MYO3B: variants seen among roughly 807,000 people sequenced by gnomAD.
The protein encoded by MYO3B is myosin-IIIb.
MYO3B carries 156 observed loss-of-function variants against 174.6 expected under a neutral mutation model. The observed-to-expected ratio is 0.89, with a 90% confidence interval of 0.78 to 1.02. The LOEUF (loss-of-function observed/expected upper bound fraction) is 1.02, where lower values mean the gene tolerates loss of function less well. MYO3B is among the 50% of genes least tolerant of loss of function. The pLI, the probability that MYO3B is intolerant of heterozygous loss-of-function variation, is 0.00. For synonymous variants in MYO3B, 563 were observed against 569.1 expected (o/e 0.99, Z 0.15); for missense variants, 1,632 against 1,639.4 (o/e 1.00, Z 0.08).
intron 23 of MYO3B, among the ~76,000 whole-genome samples, chr2:170,457,694 C>T (rs373040933): frequency 2.0e-4 from 30 of 152,276 alleles, no homozygotes; most frequent in African/African-American, 5.8e-4. Context: ...TGAGGCTGTT[C>T]CACGGTTAAT....
At position 170,233,433 on chromosome 2, in the gene MYO3B, C is replaced by T. The variant is rs1255663696; in HGVS notation, c.604-2558C>T. ...TAAAATTATGTTTGTCTTACACTTT[C>T]GAAAGTGTCATTTCTGAAAGGGAAG... On this transcript the variant is annotated intron_variant, in intron 6 of 34. Transcript: ENST00000408978. Among the ~76,000 whole-genome samples, 10 of 152,222 alleles carry T rather than the reference C, an allele frequency of 6.6e-5. No homozygotes were observed. In the South Asian group the frequency reaches 1.2e-3, roughly 19 times the overall value.
chr2:170,466,092 A>C (rs1684612588), intron 24 of MYO3B, among the ~76,000 whole-genome samples: 1 of 152,086 alleles, frequency 6.6e-6, no homozygotes, highest in Non-Finnish European at 1.5e-5. Context: ...TATCTGTAGG[A>C]TTTGCTTAGA....
Position 170,386,221 on chromosome 2 carries a change from G to C in MYO3B, c.1323G>C (p.Gly441=). 1 of 1,613,654 alleles carries C rather than the reference G, an allele frequency of 6.2e-7. No homozygotes were observed. Among genetic ancestry groups the C allele is most frequent in the Non-Finnish European group, 8.5e-7 (1 of 1,179,684 alleles). The stretch of plus-strand genomic sequence containing the variant: ...TCATCAGCGGAGAGAGTGGCTCTGG[G>C]AAGACAGAAAGCGCCCACCTGATTG... ...CIVISGESGS[G]KTESAHLIVQ... is the part of the protein sequence containing the mutation. The change falls in exon 13 of 35, where the codon GGG becomes GGC. Residue 441 remains glycine (G), a synonymous_variant. Coordinates refer to ENST00000408978, the MANE Select transcript of MYO3B (RefSeq NM_138995.5).
At position 170,587,294 on chromosome 2, in the gene MYO3B, G is replaced by A. The variant is rs73030712; in HGVS notation, c.3733+43306G>A. ...TGCCAGCAGCAGCCTCATACATCTT[G>A]TGTTTACCACATCTCTTGATTGCAT... On this transcript the variant is annotated intron_variant, in intron 32 of 34. Transcript: ENST00000408978. Among the ~76,000 whole-genome samples, 619 of 152,282 alleles carry A rather than the reference G, an allele frequency of 4.1e-3. 1 individual carries two copies. The highest frequency in any genetic ancestry group is 0.014 in the African/African-American group (568 of 41,566).
intron 22 of MYO3B, among the ~76,000 whole-genome samples, chr2:170,419,548 A>G (rs960264331): frequency 1.3e-5 from 2 of 152,228 alleles, no homozygotes; most frequent in Non-Finnish European, 2.9e-5. Flanking sequence ...CAACATGGGA[A>G]TTATGGAGAA....
At chr2:170,559,675 G>T (rs73978711) in intron 32 of MYO3B, among the ~76,000 whole-genome samples, 3 of 152,096 alleles carry the variant, frequency 2.0e-5, no homozygotes, top group African/African-American at 7.2e-5. Context: ...TATTAAATGA[G>T]TCTGTAATTT....
In MYO3B at chr2:170,217,736, G is replaced by T. The variant is rs368188726; in HGVS notation, c.603+341G>T. Among the ~76,000 whole-genome samples, 3 of 152,300 alleles carry T rather than the reference G, an allele frequency of 2.0e-5. 1 individual carries two copies. Among genetic ancestry groups the T allele is most frequent in the Admixed American group, 6.5e-5 (1 of 15,298 alleles). ...TTCCCTGGATACATGCAGCCCCAGA[G>T]GTATATGGCTTTGTGAAGAGCCAGA... On this transcript the variant is annotated intron_variant, in intron 6 of 34. Transcript: ENST00000408978.
chr2:170,451,818 C>G (rs919331086), intron 23 of MYO3B, among the ~76,000 whole-genome samples: 1 of 152,148 alleles, frequency 6.6e-6, no homozygotes, highest in Non-Finnish European at 1.5e-5. Context: ...TTTTCAGGGC[C>G]TAATAAGCAG....
At chr2:170,404,452 G>A (rs769695303) in intron 20 of MYO3B, 52 bp downstream of exon 20, 6 of 1,534,108 alleles carry the variant, frequency 3.9e-6, no homozygotes, top group Middle Eastern at 1.7e-4. Context: ...AACTTGGCTT[G>A]TGTCATCAAT....
intron 32 of MYO3B, among the ~76,000 whole-genome samples, chr2:170,596,872 G>A (rs974736998): frequency 6.6e-6 from 1 of 152,220 alleles, no homozygotes; most frequent in African/African-American, 2.4e-5. Flanking sequence ...GTCTCTTTGA[G>A]CAGCCTAGCC....
intron 32 of MYO3B, among the ~76,000 whole-genome samples, chr2:170,558,971 A>G (rs1575164103): frequency 6.6e-6 from 1 of 152,258 alleles, no homozygotes; most frequent in African/African-American, 2.4e-5. Flanking sequence ...TAAGCACTCA[A>G]CAAAAATTTG....
chr2:170,640,255 G>T (rs1697862725), intron 32 of MYO3B: 1 of 152,208 alleles, frequency 6.6e-6, no homozygotes, highest in African/African-American at 2.4e-5. Flanking sequence ...CCCTTCAGAT[G>T]ATTCTAATAT....
At chr2:170,420,839 T>G (rs984336454) in intron 22 of MYO3B, among the ~76,000 whole-genome samples, 2 of 151,980 alleles carry the variant, frequency 1.3e-5, no homozygotes, top group African/African-American at 4.8e-5. Context: ...CTTTTTAGAA[T>G]TACTTCTGCT....
At chr2:170,216,782 A>G (rs2092833726) in intron 5 of MYO3B, among the ~76,000 whole-genome samples, 1 of 152,214 alleles carries the variant, frequency 6.6e-6, no homozygotes, top group Admixed American at 6.5e-5. Context: ...GAAAGAAGTC[A>G]TGTGAAATAA....
At chr2:170,374,921 T>G (rs1213990922) in intron 9 of MYO3B, among the ~76,000 whole-genome samples, 1 of 152,160 alleles carries the variant, frequency 6.6e-6, no homozygotes, top group African/African-American at 2.4e-5. Context: ...CATTGGAATT[T>G]AAGTTTTTCC....
intron 32 of MYO3B, among the ~76,000 whole-genome samples, chr2:170,612,206 A>G (rs1460640396): frequency 6.6e-6 from 1 of 152,138 alleles, no homozygotes; most frequent in African/African-American, 2.4e-5. Flanking sequence ...GAACCCAAAC[A>G]TTTCACAGGA....
chr2:170,412,143 A>ATC (rs2094549844), intron 22 of MYO3B: 2 of 152,246 alleles, frequency 1.3e-5, no homozygotes, highest in South Asian at 4.1e-4. Flanking sequence ...AAAAGGAAGG[A>ATC]TGTTATAACA....
intron 7 of MYO3B, among the ~76,000 whole-genome samples, chr2:170,268,117 G>A (rs2105363782): frequency 6.6e-6 from 1 of 152,306 alleles, no homozygotes; most frequent in East Asian, 1.9e-4. Context: ...GGCTGAGGCA[G>A]GAGAATCACT....
intron 7 of MYO3B, among the ~76,000 whole-genome samples, chr2:170,323,852 T>C (rs1489030992): frequency 2.0e-5 from 3 of 152,150 alleles, no homozygotes; most frequent in Non-Finnish European, 4.4e-5. Context: ...AGAAAAATGG[T>C]CCAGCTTATA....
Sources: allele counts gnomAD v4.1 joint callset (sites outside exome capture counted in the v4.1 genomes callset), GRCh38; gene constraint gnomAD v4.1.1; transcripts MANE v1.5; gene names NCBI Gene and HGNC (gene_info 2026-07-23, HGNC 2026-07-21).